The following PDCD6IP variants were observed in gnomAD, a reference collection of about 807,000 sequenced individuals.
PDCD6IP encodes programmed cell death 6 interacting protein, also known as programmed cell death 6-interacting protein.
PDCD6IP carries 43 observed loss-of-function variants against 103.7 expected under a neutral mutation model. The ratio of observed to expected loss-of-function variants is 0.41; its 90% CI spans 0.32 to 0.53. The LOEUF (loss-of-function observed/expected upper bound fraction) is 0.53, where lower values mean the gene tolerates loss of function less well. Among genes scored for constraint, PDCD6IP ranks in the 20% least tolerant of loss-of-function variants. PDCD6IP has a pLI of 0.16. For missense variants in PDCD6IP, 871 were observed against 1,036.7 expected, an observed-to-expected ratio of 0.84 and a Z score of 2.20; for synonymous variants, 354 against 378.7, an observed-to-expected ratio of 0.93 and a Z score of 0.76.
intron 15 of PDCD6IP, among the ~76,000 whole-genome samples, chr3:33,859,830 A>G (rs569157123): frequency 4.6e-5 from 7 of 152,234 alleles, no homozygotes; most frequent in African/African-American, 1.7e-4. Flanking sequence ...TTGGGAGTCT[A>G]TTCTGAGGAT....
intron 15 of PDCD6IP, among the ~76,000 whole-genome samples, chr3:33,855,973 G>A (rs1697819001): frequency 6.6e-6 from 1 of 152,200 alleles, no homozygotes; most frequent in Admixed American, 6.5e-5. Flanking sequence ...TGCACAGTAG[G>A]AGGTGGGTGG....
intron 1 of PDCD6IP, 88 bp downstream of exon 1, chr3:33,799,025 A>G (rs1696403343): frequency 1.6e-6 from 2 of 1,259,446 alleles, no homozygotes; most frequent in Admixed American, 2.5e-5. Flanking sequence ...TCAATCCTGT[A>G]ACCTGGGCGG....
chr3:33,866,140 A>G (rs1698058711), intron 17 of PDCD6IP, among the ~76,000 whole-genome samples: 1 of 152,144 alleles, frequency 6.6e-6, no homozygotes, highest in Non-Finnish European at 1.5e-5. Context: ...GGATAGTATT[A>G]AACACTTGGT....
chr3:33,835,446 G>A (rs1697325599), intron 7 of PDCD6IP: 2 of 391,798 alleles, frequency 5.1e-6, no homozygotes, highest in Non-Finnish European at 1.0e-5. Flanking sequence ...ACAGGGCACA[G>A]TGGCGCAAGC....
Position 33,844,324 on chromosome 3 carries a change from G to A in PDCD6IP, c.1471+101G>A, listed in dbSNP as rs1697544061. On this transcript the variant is annotated intron_variant, in intron 11 of 17. Transcript: ENST00000307296. ...GCTCAGTTGTAAATTCATTTTTACC[G>A]AAACTGTTTTTCCTCAGTTTTAGTA... 7 of 593,618 alleles carry A rather than the reference G, an allele frequency of 1.2e-5. No individual in the cohort carries two copies. In the Admixed American group the frequency reaches 1.4e-4, roughly 12 times the overall value. 36.8% of individuals were successfully genotyped at this position (593,618 alleles called of 1,614,324 possible). A position where few individuals can be genotyped will look rare whatever the true frequency, so the allele number is the denominator to read the frequency against.
chr3:33,828,718 A>T, intron 6 of PDCD6IP, 135 bp from the exon 7 acceptor site: 1 of 778,156 alleles, frequency 1.3e-6, no homozygotes, highest in Non-Finnish European at 2.0e-6. Context: ...ACACCTAATG[A>T]CTAACCTTAA....
At chr3:33,823,085 C>A (rs1449724962) in intron 4 of PDCD6IP, among the ~76,000 whole-genome samples, 1 of 152,066 alleles carries the variant, frequency 6.6e-6, no homozygotes, top group African/African-American at 2.4e-5. Flanking sequence ...AAAGTGTTTT[C>A]ATGTACATTA....
intron 1 of PDCD6IP, among the ~76,000 whole-genome samples, chr3:33,801,592 C>A (rs1040835129): frequency 2.6e-5 from 4 of 152,050 alleles, no homozygotes; most frequent in Non-Finnish European, 4.4e-5. Flanking sequence ...AGTTGGAGAC[C>A]AGCCTGAACT....
chr3:33,799,218 G>A (rs1293829871), intron 1 of PDCD6IP: 8 of 396,978 alleles, frequency 2.0e-5, no homozygotes, highest in Non-Finnish European at 2.2e-5. Flanking sequence ...GCCCTGTACT[G>A]ATCTCTTTTG....
chr3:33,828,482 G>A (rs1575919696), intron 6 of PDCD6IP: 1 of 160,582 alleles, frequency 6.2e-6, no homozygotes, highest in African/African-American at 2.4e-5. Flanking sequence ...AGCTTCTAAA[G>A]CTCTGTGCTT....
intron 3 of PDCD6IP, 83 bp from the exon 4 acceptor site, chr3:33,821,872 G>C (rs1696998543): frequency 7.7e-7 from 1 of 1,295,308 alleles, no homozygotes; most frequent in Non-Finnish European, 1.1e-6. Flanking sequence ...CGGGATGAGA[G>C]AGGTCATAGT....
At chr3:33,820,590 A>T (rs1323124858) in intron 3 of PDCD6IP, among the ~76,000 whole-genome samples, 1 of 152,180 alleles carries the variant, frequency 6.6e-6, no homozygotes, top group Non-Finnish European at 1.5e-5. Flanking sequence ...CCTGATAACC[A>T]TCATTCTGAT....
At position 33,806,430 on chromosome 3, in the gene PDCD6IP, C is replaced by G. The variant is rs1002651754; in HGVS notation, c.210-5642C>G. On this transcript the variant is annotated intron_variant, in intron 1 of 17. Coordinates refer to ENST00000307296, the MANE Select transcript of PDCD6IP (RefSeq NM_013374.6). ...GGGATTCAAACTCAGGGCTATCTGACTTGAAAGACTGTGACATTATACCTT... is the reference window on the plus strand; with the variant it reads ...GGGATTCAAACTCAGGGCTATCTGAGTTGAAAGACTGTGACATTATACCTT... Among the ~76,000 whole-genome samples the G allele has an allele frequency of 4.9e-4, 75 of 152,196 alleles. 1 individual carries two copies. The highest frequency in any genetic ancestry group is 1.7e-3 in the African/African-American group (72 of 41,446).
intron 2 of PDCD6IP, 85 bp from the exon 3 acceptor site, chr3:33,813,474 G>C: frequency 1.2e-6 from 1 of 804,970 alleles, no homozygotes; most frequent in South Asian, 1.7e-5. Flanking sequence ...TTTTTTTCAT[G>C]GTGGATTTTT....
At chr3:33,848,292 G>A (rs4678618) in intron 12 of PDCD6IP, among the ~76,000 whole-genome samples, 1 of 152,064 alleles carries the variant, frequency 6.6e-6, no homozygotes, top group Admixed American at 6.5e-5. Context: ...TAGGGTAAAT[G>A]TATCAAGTTT....
At position 33,863,310 on chromosome 3, in the gene PDCD6IP, G is replaced by A. The variant is rs571018828; in HGVS notation, c.2121-696G>A. Among the ~76,000 whole-genome samples the A allele has an allele frequency of 2.0e-5, 3 of 152,212 alleles. No individual in the cohort carries two copies. In the East Asian group the frequency reaches 5.8e-4, roughly 29 times the overall value. On this transcript the variant is annotated intron_variant, in intron 15 of 17. Transcript: ENST00000307296. ...ACATTCCAAATCTTCTAGCTATTTT[G>A]AAATATACAATAAATTATCATTAAC...
chr3:33,819,689 G>T (rs540539703), intron 3 of PDCD6IP, among the ~76,000 whole-genome samples: 5 of 152,316 alleles, frequency 3.3e-5, no homozygotes, highest in African/African-American at 1.2e-4. Context: ...GTGTTGTTCT[G>T]ATTCTCCTAG....
chr3:33,834,041 C>G (rs1231944795), intron 7 of PDCD6IP, among the ~76,000 whole-genome samples: 1 of 152,162 alleles, frequency 6.6e-6, no homozygotes, highest in Admixed American at 6.5e-5. Context: ...TTATATTTTG[C>G]TGGCATTTTC....
chr3:33,853,860 A>T lies in PDCD6IP; in HGVS notation c.1891-19A>T, dbSNP rs1697771692. 1.4e-6 allele frequency: 2 copies of T among 1,415,604 alleles called. No individual in the cohort carries two copies. Among genetic ancestry groups the T allele is most frequent in the Non-Finnish European group, 1.9e-6 (2 of 1,074,716 alleles). 87.7% of individuals were successfully genotyped at this position (1,415,604 alleles called of 1,614,324 possible). A position where few individuals can be genotyped will look rare whatever the true frequency, so the allele number is the denominator to read the frequency against. On this transcript the variant is annotated intron_variant, in intron 13 of 17. Coordinates refer to ENST00000307296, the MANE Select transcript of PDCD6IP (RefSeq NM_013374.6). The stretch of plus-strand genomic sequence containing the variant: ...ATTTTATAAATAAATGTAAATATGT[A>T]AATCTTTCTTTTAACAAGGTCTCAC...
Sources: allele counts gnomAD v4.1 joint callset (sites outside exome capture counted in the v4.1 genomes callset), GRCh38; gene constraint gnomAD v4.1.1; transcripts MANE v1.5; gene names NCBI Gene and HGNC (gene_info 2026-07-23, HGNC 2026-07-21).